Variants in SOS2 observed in about 807,000 individuals in gnomAD.
The protein encoded by SOS2 is son of sevenless homolog 2.
In SOS2, 65 loss-of-function variants were observed where a neutral mutation model predicts 148.2. That is an observed-to-expected ratio of 0.44 (90% CI 0.36 to 0.54). The LOEUF (loss-of-function observed/expected upper bound fraction) is 0.54, where lower values mean the gene tolerates loss of function less well. SOS2 is among the 20% of genes least tolerant of loss of function. The pLI, the probability that SOS2 is intolerant of heterozygous loss-of-function variation, is 0.00. For synonymous variants in SOS2, 539 were observed against 537.1 expected, an observed-to-expected ratio of 1.00 and a Z score of -0.05; for missense variants, 1,341 against 1,590.2, an observed-to-expected ratio of 0.84 and a Z score of 2.67.
At chr14:50,140,272 G>A (rs1460762003) in intron 16 of SOS2, among the ~76,000 whole-genome samples, 1 of 152,008 alleles carries the variant, frequency 6.6e-6, no homozygotes, top group African/African-American at 2.4e-5. Context: ...ATATAAATTA[G>A]AAGATCAAGC....
At chr14:50,167,760 C>T (rs533702275) in intron 8 of SOS2, among the ~76,000 whole-genome samples, 12 of 150,474 alleles carry the variant, frequency 8.0e-5, no homozygotes, top group African/African-American at 2.7e-4. Flanking sequence ...ATCCCAGCTA[C>T]TTGGGAGGCT....
chr14:50,161,656 TCCC>T, intron 8 of SOS2, 47 bp from the exon 9 acceptor site: 1 of 1,570,330 alleles, frequency 6.4e-7, no homozygotes, highest in Non-Finnish European at 8.7e-7. Context: ...GTTTGATTCT[TCCC>T]CCAACTTTCT....
intron 4 of SOS2, among the ~76,000 whole-genome samples, chr14:50,198,971 T>C (rs1886397707): frequency 6.6e-6 from 1 of 152,072 alleles, no homozygotes; most frequent in Admixed American, 6.6e-5. Context: ...CTGGGCAACA[T>C]GGTGAAACCC....
chr14:50,126,484 ATC>A (rs936523021), intron 21 of SOS2, among the ~76,000 whole-genome samples: 3 of 152,180 alleles, frequency 2.0e-5, no homozygotes, highest in African/African-American at 7.2e-5. Flanking sequence ...ATATACAATT[ATC>A]TGTCGATTAA....
chr14:50,178,186 G>A (rs902595711), intron 7 of SOS2, among the ~76,000 whole-genome samples: 2 of 152,152 alleles, frequency 1.3e-5, no homozygotes, highest in Non-Finnish European at 2.9e-5. Flanking sequence ...TTTTGGAGGT[G>A]GGGCCTAGTG....
intron 18 of SOS2, among the ~76,000 whole-genome samples, chr14:50,135,297 A>G (rs2139534362): frequency 6.6e-6 from 1 of 151,660 alleles, no homozygotes; most frequent in East Asian, 1.9e-4. Context: ...CTCTCCTCTT[A>G]AAAAAAGCCT....
In SOS2 at chr14:50,118,935, T is replaced by G. The variant is rs1296521043; in HGVS notation, c.3490-82A>C. 3.4e-6 allele frequency: 3 copies of G among 878,380 alleles called. No individual in the cohort carries two copies. In the South Asian group the frequency reaches 7.8e-5, roughly 23 times the overall value. The allele number at this position is 878,380 out of a possible 1,614,324, so 54.4% of individuals were successfully genotyped here. A position where few individuals can be genotyped will look rare whatever the true frequency, so the allele number is the denominator to read the frequency against. On this transcript the variant is annotated intron_variant, in intron 22 of 22. Transcript: ENST00000216373. ...TTTTTAAGTCTGAAAAATTCTTACT[T>G]GTCAAGTTAAATTCAGAGGCTCAAA...
rs73283419 is a variant in SOS2, at chr14:50,156,855, G to A, written c.2057+144C>T. 1,749 of 426,698 alleles carry A rather than the reference G, an allele frequency of 4.1e-3. 22 individuals are homozygous for A. Among genetic ancestry groups the A allele is most frequent in the African/African-American group, 0.032 (1,588 of 49,820 alleles). 26.4% of individuals were successfully genotyped at this position (426,698 alleles called of 1,614,324 possible). On this transcript the variant is annotated intron_variant, in intron 12 of 22. Coordinates refer to ENST00000216373, the MANE Select transcript of SOS2 (RefSeq NM_006939.4). ...ACTCTTTTAGTTTAACTTAACTGCT[G>A]TGAAGTTAAAAATATTCCCTATATT...
intron 1 of SOS2, among the ~76,000 whole-genome samples, chr14:50,204,743 C>T (rs1032447917): frequency 5.9e-5 from 9 of 152,118 alleles, no homozygotes; most frequent in African/African-American, 2.2e-4. Context: ...TTGAAGTCTA[C>T]GCAGGTCATG....
Position 50,204,461 on chromosome 14 carries a change from C to A in SOS2, c.88-52G>T. ...TAATGGCAAAATAATATAAATTGAA[C>A]AAAAGTCAAAGAGAATCTTATATAT... On this transcript the variant is annotated intron_variant, in intron 1 of 22. Coordinates refer to ENST00000216373, the MANE Select transcript of SOS2 (RefSeq NM_006939.4). 1 of 1,119,696 alleles carries A rather than the reference C, an allele frequency of 8.9e-7. No homozygotes were observed. Among genetic ancestry groups the A allele is most frequent in the South Asian group, 1.5e-5 (1 of 67,698 alleles). 69.4% of individuals were successfully genotyped at this position (1,119,696 alleles called of 1,614,324 possible).
intron 16 of SOS2, among the ~76,000 whole-genome samples, chr14:50,141,203 C>CAAAAAA (rs71118844): frequency 3.3e-5 from 1 of 30,582 alleles, no homozygotes. Context: ...GACTCTGTCT[C>CAAAAAA]AAAAAAAAAA....
chr14:50,228,512 T>TA (rs1211754322), intron 1 of SOS2, among the ~76,000 whole-genome samples: 3 of 152,170 alleles, frequency 2.0e-5, no homozygotes, highest in African/African-American at 7.2e-5. Context: ...TTTAACATCT[T>TA]ACTAGTTCCC....
chr14:50,224,304 A>ATATATAT (rs1555324598), intron 1 of SOS2, among the ~76,000 whole-genome samples: 7 of 62,694 alleles, frequency 1.1e-4, no homozygotes, highest in African/African-American at 4.2e-4. Flanking sequence ...AAAAAAAAAA[A>ATATATAT]ATATATATAT....
chr14:50,213,554 G>C (rs1449008039), intron 1 of SOS2, among the ~76,000 whole-genome samples: 1 of 151,944 alleles, frequency 6.6e-6, no homozygotes, highest in African/African-American at 2.4e-5. Flanking sequence ...ACAAAAATTA[G>C]CTGGGCCTGG....
chr14:50,187,991 C>G (rs1326025108), intron 5 of SOS2, among the ~76,000 whole-genome samples: 1 of 152,174 alleles, frequency 6.6e-6, no homozygotes, highest in African/African-American at 2.4e-5. Flanking sequence ...GTATAAACCT[C>G]CTTCTAATTT....
At chr14:50,135,555 T>TTA (rs966950690) in intron 18 of SOS2, among the ~76,000 whole-genome samples, 2 of 148,204 alleles carry the variant, frequency 1.3e-5, no homozygotes, top group East Asian at 1.9e-4. Context: ...TATTAATAAT[T>TTA]TATATATATA....
At chr14:50,226,876 C>T (rs888292753) in intron 1 of SOS2, among the ~76,000 whole-genome samples, 15 of 152,258 alleles carry the variant, frequency 9.9e-5, no homozygotes, top group African/African-American at 3.6e-4. Context: ...ATAACACATG[C>T]ATATAGTACC....
Position 50,218,221 on chromosome 14 carries a change from A to G in SOS2, c.87+12976T>C, listed in dbSNP as rs1479156199. On this transcript the variant is annotated intron_variant, in intron 1 of 22. Transcript: ENST00000216373. ...TATAATGAAACTTCGATAAAAGGAA[A>G]AAAAAAAAAAAAAAAAAAAGGCCGA... 9.5e-5 allele frequency among the ~76,000 whole-genome samples: 3 copies of G among 31,694 alleles called. 1 individual carries two copies. The highest frequency in any genetic ancestry group is 1.2e-3 in the South Asian group (2 of 1,690). The allele number at this position is 31,694 out of a possible 152,430, so 20.8% of individuals were successfully genotyped here. A position where few individuals can be genotyped will look rare whatever the true frequency, so the allele number is the denominator to read the frequency against.
intron 7 of SOS2, among the ~76,000 whole-genome samples, chr14:50,176,757 C>T (rs765422913): frequency 2.0e-5 from 3 of 152,234 alleles, no homozygotes; most frequent in Non-Finnish European, 4.4e-5. Flanking sequence ...CGCCTGTAAT[C>T]CCAGCACTTT....
Sources: gnomAD v4.1 joint callset for allele counts (sites outside exome capture counted in the v4.1 genomes callset) on GRCh38, gnomAD v4.1.1 for gene constraint, MANE v1.5 for transcripts, NCBI Gene and HGNC (gene_info 2026-07-23, HGNC 2026-07-21) for gene names.